TMIGD3: variants seen among roughly 807,000 people sequenced by gnomAD.
TMIGD3 encodes the protein AD026 protein (AD026).
TMIGD3 carries 21 observed loss-of-function variants against 28.1 expected under a neutral mutation model. That is an observed-to-expected ratio of 0.75 (90% CI 0.53 to 1.08). TMIGD3 has a LOEUF of 1.08. TMIGD3 is among the 50% of genes least tolerant of loss of function. TMIGD3 has a pLI of 0.00. For synonymous variants in TMIGD3, 151 were observed against 162.1 expected (o/e 0.93, Z 0.52); for missense variants, 416 against 435.6 (o/e 0.96, Z 0.40).
Position 111,490,780 on chromosome 1 carries a change from A to G in TMIGD3, c.351-18T>C. 9 of 1,580,830 alleles carry G rather than the reference A, an allele frequency of 5.7e-6. No individual in the cohort carries two copies. The highest frequency in any genetic ancestry group is 7.8e-6 in the Non-Finnish European group (9 of 1,151,274). ...TTCTGAATCTGTTTAAGGGAAACAGATATGCTTGAGCTTAATATGGCTTTA... is the reference window on the plus strand; with the variant it reads ...TTCTGAATCTGTTTAAGGGAAACAGGTATGCTTGAGCTTAATATGGCTTTA... On this transcript the variant is annotated intron_variant, in intron 1 of 5. Coordinates refer to ENST00000369716, the MANE Select transcript of TMIGD3 (RefSeq NM_020683.7).
chr1:111,486,402 A>G (rs1381241165), intron 4 of TMIGD3, among the ~76,000 whole-genome samples, 184 bp downstream of exon 4: 2 of 142,542 alleles, frequency 1.4e-5, no homozygotes, highest in Admixed American at 1.4e-4. Flanking sequence ...CCTAAACTGT[A>G]TTTTTTTTTT....
intron 1 of TMIGD3, among the ~76,000 whole-genome samples, chr1:111,542,703 T>G (rs999688614): frequency 8.5e-5 from 13 of 152,164 alleles, no homozygotes; most frequent in Non-Finnish European, 1.3e-4. Flanking sequence ...TTTGTTTTTT[T>G]TTTCTTTTTT....
intron 4 of TMIGD3, 74 bp downstream of exon 4, chr1:111,486,512 A>G: frequency 8.8e-7 from 1 of 1,139,708 alleles, no homozygotes; most frequent in Non-Finnish European, 1.3e-6. Flanking sequence ...CTGTCATATC[A>G]TACTGCTGCC....
intron 1 of TMIGD3, among the ~76,000 whole-genome samples, chr1:111,563,297 T>C (rs1056934198): frequency 6.6e-6 from 1 of 151,982 alleles, no homozygotes; most frequent in Non-Finnish European, 1.5e-5. Flanking sequence ...AATAAATAAA[T>C]AAATAAACCC....
chr1:111,502,841 T>A (rs12127443), intron 1 of TMIGD3, among the ~76,000 whole-genome samples, 164 bp downstream of exon 1: 110,423 of 151,704 alleles, frequency 0.73, 40,298 homozygotes, highest in Middle Eastern at 0.83. Context: ...CAGCCCATTG[T>A]TGCTAACCCC....
chr1:111,504,252 C>T, upstream of TMIGD3: 1 of 456,816 alleles, frequency 2.2e-6, no homozygotes, highest in Non-Finnish European at 2.9e-6. Context: ...CACACTGGCA[C>T]TTATGCTGGC....
intron 1 of TMIGD3, among the ~76,000 whole-genome samples, chr1:111,512,320 G>GTGCCTCCT (rs1655715344): frequency 6.6e-6 from 1 of 152,214 alleles, no homozygotes; most frequent in African/African-American, 2.4e-5. Flanking sequence ...AGCATGGCAC[G>GTGCCTCCT]CACTCTAGTG....
intron 1 of TMIGD3, among the ~76,000 whole-genome samples, chr1:111,502,393 G>A: frequency 7.8e-6 from 1 of 127,470 alleles, no homozygotes; most frequent in Non-Finnish European, 1.7e-5. Flanking sequence ...ATATATATAG[G>A]ATACATATAT....
intron 5 of TMIGD3, among the ~76,000 whole-genome samples, chr1:111,484,238 C>A (rs892577054): frequency 6.6e-6 from 1 of 152,178 alleles, no homozygotes; most frequent in African/African-American, 2.4e-5. Flanking sequence ...GTCTTCCTCC[C>A]CCTCTACAAG....
chr1:111,501,536 T>C (rs1167539398), intron 1 of TMIGD3, among the ~76,000 whole-genome samples: 2 of 152,242 alleles, frequency 1.3e-5, no homozygotes, highest in African/African-American at 4.8e-5. Flanking sequence ...GTGACAGGTA[T>C]GTTTCTAAAA....
intron 1 of TMIGD3, 103 bp downstream of exon 1, chr1:111,502,902 G>A: frequency 7.0e-7 from 1 of 1,425,272 alleles, no homozygotes; most frequent in Non-Finnish European, 9.4e-7. Flanking sequence ...TCAACATCAA[G>A]GGCCAATTTG....
chr1:111,506,898 AT>A (rs1253649444), upstream of TMIGD3, among the ~76,000 whole-genome samples: 8 of 104,882 alleles, frequency 7.6e-5, no homozygotes, highest in South Asian at 6.1e-4. Flanking sequence ...AAAACAAAAA[AT>A]ATATATATAT....
intron 1 of TMIGD3, among the ~76,000 whole-genome samples, chr1:111,511,655 T>C (rs1319437004): frequency 1.4e-5 from 2 of 141,204 alleles, no homozygotes; most frequent in African/African-American, 5.5e-5. Context: ...CTCTGTGATC[T>C]ATCTCAAATG....
intron 1 of TMIGD3, among the ~76,000 whole-genome samples, chr1:111,523,096 T>G (rs891559196): frequency 4.6e-5 from 7 of 152,214 alleles, no homozygotes; most frequent in Admixed American, 4.6e-4. Context: ...CTTTTATCAT[T>G]AACTATGATG....
At chr1:111,496,103 T>C (rs1654877102) in intron 1 of TMIGD3, among the ~76,000 whole-genome samples, 1 of 152,130 alleles carries the variant, frequency 6.6e-6, no homozygotes, top group South Asian at 2.1e-4. Flanking sequence ...AACAAACCTA[T>C]GAAATTACCT....
chr1:111,533,162 C>A (rs557816589), intron 1 of TMIGD3, among the ~76,000 whole-genome samples: 86 of 152,268 alleles, frequency 5.6e-4, no homozygotes, highest in Non-Finnish European at 1.3e-4. Context: ...TTTAAATATG[C>A]AAAATACTTC....
chr1:111,549,362 G>A (rs937571575), intron 1 of TMIGD3, among the ~76,000 whole-genome samples: 7 of 143,460 alleles, frequency 4.9e-5, no homozygotes, highest in African/African-American at 1.6e-4. Context: ...TTTAAAACAT[G>A]GTCGGGCTGG....
intron 1 of TMIGD3, among the ~76,000 whole-genome samples, chr1:111,497,985 A>G (rs1277729013): frequency 1.3e-5 from 2 of 152,216 alleles, no homozygotes; most frequent in East Asian, 1.9e-4. Context: ...CAAGGTGAAC[A>G]GTGTGCCTGA....
chr1:111,533,436 A>G (rs1557838999), intron 1 of TMIGD3, among the ~76,000 whole-genome samples: 1 of 152,266 alleles, frequency 6.6e-6, no homozygotes, highest in Non-Finnish European at 1.5e-5. Flanking sequence ...AAATTAAAAT[A>G]TCCTTTCCCA....
Sources: gnomAD v4.1 joint callset for allele counts (sites outside exome capture counted in the v4.1 genomes callset) on GRCh38, gnomAD v4.1.1 for gene constraint, MANE v1.5 for transcripts, NCBI Gene and HGNC (gene_info 2026-07-23, HGNC 2026-07-21) for gene names.